The following ADAMTS2 variants were observed in gnomAD, a reference collection of about 807,000 sequenced individuals.
ADAMTS2 encodes the protein ADAM metallopeptidase with thrombospondin type 1 motif 2, also known as A disintegrin and metalloproteinase with thrombospondin motifs 2.
Under a neutral mutation model 123.0 loss-of-function variants are expected in ADAMTS2, and 50 were observed. That is an observed-to-expected ratio of 0.41 (90% CI 0.32 to 0.51). The LOEUF is 0.51. Ranked by LOEUF, ADAMTS2 falls within the 20% of genes least tolerant of loss-of-function variation. The probability of loss-of-function intolerance (pLI) is 0.35; values close to 1 mark genes in which losing one functional copy is unlikely to be tolerated. For missense variants in ADAMTS2, 1,494 were observed against 1,705.2 expected, an observed-to-expected ratio of 0.88 and a Z score of 2.18; for synonymous variants, 678 against 695.4, an observed-to-expected ratio of 0.98 and a Z score of 0.39.
At chr5:179,141,510 C>T (rs1179372010) in intron 10 of ADAMTS2, among the ~76,000 whole-genome samples, 1 of 152,010 alleles carries the variant, frequency 6.6e-6, no homozygotes, top group Non-Finnish European at 1.5e-5. Context: ...AAAAAGCAGC[C>T]ATTTAAAGTC....
intron 2 of ADAMTS2, among the ~76,000 whole-genome samples, chr5:179,302,808 G>C (rs1050872846): frequency 6.6e-6 from 1 of 152,040 alleles, no homozygotes; most frequent in Admixed American, 6.6e-5. Context: ...GAGAGATCTG[G>C]GGAAGTGGGC....
chr5:179,167,444 A>G (rs191700055), intron 5 of ADAMTS2, among the ~76,000 whole-genome samples: 3 of 152,282 alleles, frequency 2.0e-5, no homozygotes, highest in South Asian at 2.1e-4. Flanking sequence ...TTCTGTTCCA[A>G]TCGTTGCTCT....
chr5:179,250,455 G>T (rs1388793783), intron 3 of ADAMTS2, among the ~76,000 whole-genome samples: 2 of 152,238 alleles, frequency 1.3e-5, no homozygotes, highest in Non-Finnish European at 2.9e-5. Flanking sequence ...GTTGACTGTG[G>T]TGATGGTTGC....
chr5:179,186,116 C>T (rs914209000), intron 4 of ADAMTS2, among the ~76,000 whole-genome samples: 1 of 152,088 alleles, frequency 6.6e-6, no homozygotes, highest in Non-Finnish European at 1.5e-5. Flanking sequence ...GTGGGGCTTG[C>T]GATGGCCTCC....
intron 2 of ADAMTS2, among the ~76,000 whole-genome samples, chr5:179,302,797 G>A (rs960934489): frequency 3.8e-4 from 58 of 152,068 alleles, no homozygotes; most frequent in Non-Finnish European, 3.4e-4. Flanking sequence ...AGGCAGCGAT[G>A]GAGAGATCTG....
At chr5:179,186,966 G>A (rs867708393) in intron 4 of ADAMTS2, among the ~76,000 whole-genome samples, 3 of 151,670 alleles carry the variant, frequency 2.0e-5, no homozygotes, top group Non-Finnish European at 4.4e-5. Flanking sequence ...CCAGCCCCTC[G>A]CCTGGCATTC....
Position 179,153,623 on chromosome 5 carries a change from G to C in ADAMTS2, c.1383C>G (p.His461Gln), listed in dbSNP as rs1396689113. The C allele has an allele frequency of 1.2e-6, 2 of 1,602,408 alleles. No homozygotes were observed. The highest frequency in any genetic ancestry group is 4.5e-5 in the East Asian group (2 of 44,836). Residue 461 changes from histidine (H) to glutamine (Q), a missense_variant and splice_region_variant, in exon 9 of 22, where the codon CAC (histidine) becomes CAG (glutamine). His to Gln is a conservative substitution (Grantham distance 24). Around this residue, in one of 6 missense-constraint regions of ADAMTS2, gnomAD observed 953 missense variants for 1,124.7 expected, o/e 0.85. Transcript: ENST00000251582. ...CSQQELSRYL[H>Q]SYDCLLDDPF... ...GGTCATCCAGCAGGCAGTCATAGGAGCTGTGGGGGACACACGGTGCCGCGA... is the reference window on the plus strand; with the variant it reads ...GGTCATCCAGCAGGCAGTCATAGGACCTGTGGGGGACACACGGTGCCGCGA...
rs1765251153 is a variant in ADAMTS2, at chr5:179,225,163, T to A, written c.689-17448A>T. Reference sequence around the variant, plus strand: ...TAACACTCAGCACGCACCAGGCTCCTCCTCCCTCTCATGGACTCTCAATTC... The same window carrying A: ...TAACACTCAGCACGCACCAGGCTCCACCTCCCTCTCATGGACTCTCAATTC... On this transcript the variant is annotated intron_variant, in intron 3 of 21. Coordinates refer to ENST00000251582, the MANE Select transcript of ADAMTS2 (RefSeq NM_014244.5). The surrounding 1 kb of genome is among the most constrained non-coding windows in gnomAD (Gnocchi z 4.5). Among the ~76,000 whole-genome samples, 3 of 152,110 alleles carry A rather than the reference T, an allele frequency of 2.0e-5. No homozygotes were observed. Among genetic ancestry groups the A allele is most frequent in the Admixed American group, 2.0e-4 (3 of 15,272 alleles).
chr5:179,134,768 C>A (rs1400244034), intron 13 of ADAMTS2, among the ~76,000 whole-genome samples: 1 of 130,124 alleles, frequency 7.7e-6, no homozygotes, highest in Non-Finnish European at 1.6e-5. Flanking sequence ...CTCCAGCTCC[C>A]GGCTCCATCC....
rs897828539 is a variant in ADAMTS2 at position 179,132,676 on chromosome 5, T to G, written c.2209+101A>C. On this transcript the variant is annotated intron_variant, in intron 14 of 21. Transcript: ENST00000251582. The surrounding 1 kb of genome is among the most constrained non-coding windows in gnomAD (Gnocchi z 6.1). ...CCTCTCCCCCTCCCCAGAACAGTCA[T>G]AAGCCCGGACAGCCCCAGGATGAGT... 1 of 1,334,508 alleles carries G rather than the reference T, an allele frequency of 7.5e-7. No individual in the cohort carries two copies. Among genetic ancestry groups the G allele is most frequent in the Non-Finnish European group, 1.0e-6 (1 of 989,488 alleles). The allele number at this position is 1,334,508 out of a possible 1,614,324, so 82.7% of individuals were successfully genotyped here. A position where few individuals can be genotyped will look rare whatever the true frequency, so the allele number is the denominator to read the frequency against.
chr5:179,309,443 G>A (rs545409779), intron 2 of ADAMTS2, among the ~76,000 whole-genome samples: 4 of 152,294 alleles, frequency 2.6e-5, no homozygotes, highest in South Asian at 2.1e-4. Flanking sequence ...TTCCTAGCCC[G>A]GCCCCCAAGC....
At chr5:179,191,131 C>T (rs112190020) in intron 4 of ADAMTS2, among the ~76,000 whole-genome samples, 10 of 152,380 alleles carry the variant, frequency 6.6e-5, no homozygotes, top group African/African-American at 2.4e-4. Context: ...ACGGCCGAGG[C>T]CTCAGGCCAG....
intron 10 of ADAMTS2, among the ~76,000 whole-genome samples, chr5:179,140,799 CTTTTTTTTT>C (rs770094463): frequency 2.2e-5 from 2 of 90,464 alleles, no homozygotes; most frequent in Non-Finnish European, 4.1e-5. Context: ...ACTGCATGCT[CTTTTTTTTT>C]TTTTTTTTTT....
intron 2 of ADAMTS2, among the ~76,000 whole-genome samples, chr5:179,340,623 A>C (rs538371518): frequency 6.6e-5 from 10 of 152,352 alleles, no homozygotes; most frequent in African/African-American, 2.4e-4. Context: ...CGAAGCTTGA[A>C]GCAAGCTATC....
At chr5:179,116,109 C>T (rs112374614) in intron 21 of ADAMTS2, among the ~76,000 whole-genome samples, 9 of 152,260 alleles carry the variant, frequency 5.9e-5, no homozygotes, top group African/African-American at 2.2e-4. Context: ...CTCAGATATG[C>T]CCTTGTTCCT....
chr5:179,328,131 C>A (rs899455594), intron 2 of ADAMTS2, among the ~76,000 whole-genome samples: 4 of 152,236 alleles, frequency 2.6e-5, no homozygotes, highest in African/African-American at 9.6e-5. Flanking sequence ...CTCCCGGGTT[C>A]ACGCCATTCT....
chr5:179,236,797 A>C (rs1765540050), intron 3 of ADAMTS2, among the ~76,000 whole-genome samples: 1 of 152,150 alleles, frequency 6.6e-6, no homozygotes, highest in Non-Finnish European at 1.5e-5. Context: ...TTTCAGAAAA[A>C]AGAATTTCCC....
chr5:179,171,896 C>T (rs1253795304), intron 5 of ADAMTS2, among the ~76,000 whole-genome samples: 2 of 152,144 alleles, frequency 1.3e-5, no homozygotes, highest in African/African-American at 4.8e-5. Flanking sequence ...GGCTGAGGGG[C>T]CTGGGAACAG....
Position 179,171,973 on chromosome 5 carries a change from T to A in ADAMTS2, c.975+9099A>T, listed in dbSNP as rs891960941. ...ACTGCCTCTCCCCTGCCTCCTCAGC[T>A]GCGGGTCCACTGAGCCCTCGGGGCC... On this transcript the variant is annotated intron_variant, in intron 5 of 21. Transcript: ENST00000251582. 2.6e-5 allele frequency among the ~76,000 whole-genome samples: 4 copies of A among 152,072 alleles called. 1 individual carries two copies. The highest frequency in any genetic ancestry group is 9.7e-5 in the African/African-American group (4 of 41,426).
Sources: gnomAD v4.1 joint callset for allele counts (sites outside exome capture counted in the v4.1 genomes callset) on GRCh38, gnomAD v4.1.1 for gene constraint, gnomAD v4.1.1 regional missense constraint, Gnocchi (gnomAD v3.1) non-coding constraint, MANE v1.5 for transcripts, NCBI Gene and HGNC (gene_info 2026-07-23, HGNC 2026-07-21) for gene names.